NMNAT2: variants seen among roughly 807,000 people sequenced by gnomAD.
NMNAT2 encodes nicotinamide nucleotide adenylyltransferase 2, also known as nicotinamide/nicotinic acid mononucleotide adenylyltransferase 2.
Under a neutral mutation model 41.6 loss-of-function variants are expected in NMNAT2, and 11 were observed. The observed-to-expected ratio is 0.26, with a 90% CI of 0.17 to 0.44. The LOEUF (loss-of-function observed/expected upper bound fraction) is 0.44, where lower values mean the gene tolerates loss of function less well. NMNAT2 is among the 20% of genes least tolerant of loss of function. The pLI is 1.00. For synonymous variants in NMNAT2, 148 were observed against 151.2 expected (o/e 0.98, Z 0.16); for missense variants, 288 against 407.7 (o/e 0.71, Z 2.53).
At chr1:183,259,096 C>G (rs563390940) in intron 10 of NMNAT2, among the ~76,000 whole-genome samples, 1 of 152,322 alleles carries the variant, frequency 6.6e-6, no homozygotes, top group South Asian at 2.1e-4. Context: ...AGCTAGGTCC[C>G]TAAGTGCCTC....
chr1:183,255,268 G>A (rs1404093862), intron 10 of NMNAT2, among the ~76,000 whole-genome samples: 2 of 152,134 alleles, frequency 1.3e-5, no homozygotes, highest in Non-Finnish European at 2.9e-5. Context: ...CGGTTCCACT[G>A]CTCTATGTGT....
intron 1 of NMNAT2, among the ~76,000 whole-genome samples, chr1:183,345,843 T>C (rs563563972): frequency 1.6e-4 from 24 of 152,098 alleles, no homozygotes; most frequent in African/African-American, 3.4e-4. Flanking sequence ...CCCGCCACCA[T>C]GCCCGGCTAA....
chr1:183,273,007 TTC>T (rs1214110780), intron 8 of NMNAT2, among the ~76,000 whole-genome samples: 1 of 152,238 alleles, frequency 6.6e-6, no homozygotes, highest in African/African-American at 2.4e-5. Context: ...GCCTAAAGAT[TTC>T]TCTGTGTACA....
intron 1 of NMNAT2, among the ~76,000 whole-genome samples, chr1:183,352,383 G>GTGAA (rs1268644138): frequency 2.0e-5 from 3 of 151,944 alleles, no homozygotes; most frequent in African/African-American, 7.3e-5. Flanking sequence ...GGCCAACATG[G>GTGAA]TGAAACCCAT....
chr1:183,403,446 C>A (rs1039085862), intron 1 of NMNAT2, among the ~76,000 whole-genome samples: 1 of 151,360 alleles, frequency 6.6e-6, no homozygotes, highest in Non-Finnish European at 1.5e-5. Context: ...AACAACCCCC[C>A]CCCCCAAAAA....
Position 183,357,451 on chromosome 1 carries a change from T to G in NMNAT2, c.85+60732A>C, listed in dbSNP as rs182312483. On this transcript the variant is annotated intron_variant, in intron 1 of 10. Coordinates refer to ENST00000287713, the MANE Select transcript of NMNAT2 (RefSeq NM_015039.4). ...TCACCGTGTTAGCCAGGATGGTCTC[T>G]ATCTCCTGACCTCATGATCCACCCG... Among the ~76,000 whole-genome samples, 59 of 151,906 alleles carry G rather than the reference T, an allele frequency of 3.9e-4. 2 individuals carry two copies. The East Asian group carries it at 0.011, about 28-fold the overall frequency.
At chr1:183,268,386 C>G (rs1330910149) in intron 8 of NMNAT2, among the ~76,000 whole-genome samples, 1 of 152,192 alleles carries the variant, frequency 6.6e-6, no homozygotes. Flanking sequence ...GGATTCATCT[C>G]TTGGACAGAT....
Position 183,278,540 on chromosome 1 carries a change from C to G in NMNAT2, c.651+13G>C, listed in dbSNP as rs755978316. 1 of 1,600,132 alleles carries G rather than the reference C, an allele frequency of 6.2e-7. No individual in the cohort carries two copies. Among genetic ancestry groups the G allele is most frequent in the South Asian group, 1.1e-5 (1 of 90,750 alleles). ...GTCCCAGCTGGGTGCCAGGCAATAACCTTGCTACTCACATCTGCCTCGTTC... is the reference window on the plus strand; with the variant it reads ...GTCCCAGCTGGGTGCCAGGCAATAAGCTTGCTACTCACATCTGCCTCGTTC... On this transcript the variant is annotated intron_variant, in intron 8 of 10. Transcript: ENST00000287713.
chr1:183,342,023 T>G (rs1027946616), intron 1 of NMNAT2, among the ~76,000 whole-genome samples: 1 of 12,118 alleles, frequency 8.3e-5, no homozygotes, highest in East Asian at 0.018. Context: ...CTTCCTCACC[T>G]TTTTTTTTTT....
At chr1:183,323,983 G>A (rs1362016233) in intron 1 of NMNAT2, among the ~76,000 whole-genome samples, 1 of 152,228 alleles carries the variant, frequency 6.6e-6, no homozygotes, top group Non-Finnish European at 1.5e-5. Flanking sequence ...GGTAACAGCT[G>A]AAACTTGAGA....
At chr1:183,345,662 A>G (rs1164370260) in intron 1 of NMNAT2, among the ~76,000 whole-genome samples, 1 of 150,960 alleles carries the variant, frequency 6.6e-6, no homozygotes, top group Non-Finnish European at 1.5e-5. Context: ...CTCAGCTTTC[A>G]TAACTACAAG....
intron 1 of NMNAT2, among the ~76,000 whole-genome samples, chr1:183,417,602 C>T (rs984771091): frequency 6.6e-6 from 1 of 152,184 alleles, no homozygotes; most frequent in African/African-American, 2.4e-5. Context: ...GCGGGCAATA[C>T]ACGGCCCACA....
chr1:183,349,565 C>G (rs116882634), intron 1 of NMNAT2, among the ~76,000 whole-genome samples: 4 of 152,236 alleles, frequency 2.6e-5, no homozygotes, highest in Non-Finnish European at 4.4e-5. Context: ...ACCCAGCAAG[C>G]CTTTGGGGCA....
intron 1 of NMNAT2, among the ~76,000 whole-genome samples, chr1:183,320,813 T>G (rs1275316084): frequency 6.6e-6 from 1 of 152,214 alleles, no homozygotes; most frequent in Non-Finnish European, 1.5e-5. Flanking sequence ...AGTTCTTTGT[T>G]TCTTTCCTTA....
At chr1:183,324,621 C>T (rs1047967088) in intron 1 of NMNAT2, among the ~76,000 whole-genome samples, 10 of 152,144 alleles carry the variant, frequency 6.6e-5, no homozygotes, top group Non-Finnish European at 1.5e-4. Flanking sequence ...CACTCTGAGC[C>T]CTTTCTTGCT....
At chr1:183,408,853 G>A (rs1026024772) in intron 1 of NMNAT2, among the ~76,000 whole-genome samples, 5 of 152,046 alleles carry the variant, frequency 3.3e-5, no homozygotes, top group East Asian at 1.9e-4. Context: ...AATTTAAAAC[G>A]AATGACATGT....
chr1:183,315,601 G>A (rs978561711), intron 1 of NMNAT2, among the ~76,000 whole-genome samples: 11 of 151,978 alleles, frequency 7.2e-5, no homozygotes, highest in East Asian at 1.9e-4. Context: ...GGCCAAGATG[G>A]TAAAACCCCG....
At chr1:183,384,184 A>G (rs1212575434) in intron 1 of NMNAT2, among the ~76,000 whole-genome samples, 1 of 149,282 alleles carries the variant, frequency 6.7e-6, no homozygotes, top group Non-Finnish European at 1.5e-5. Flanking sequence ...ATAGTGAACA[A>G]GGAGGCGCTA....
At chr1:183,278,660 A>C (rs1661187316) in intron 7 of NMNAT2, 31 bp from the exon 8 acceptor site, 2 of 1,512,786 alleles carry the variant, frequency 1.3e-6, no homozygotes, top group Non-Finnish European at 1.8e-6. Context: ...TTGCAAAGGG[A>C]GTAAGTGGTG....
Sources: allele counts gnomAD v4.1 joint callset (sites outside exome capture counted in the v4.1 genomes callset), GRCh38; gene constraint gnomAD v4.1.1; transcripts MANE v1.5; gene names NCBI Gene and HGNC (gene_info 2026-07-23, HGNC 2026-07-21).